Variants in IGF2BP3 observed in about 807,000 individuals in gnomAD.
IGF2BP3 encodes the protein insulin-like growth factor 2 mRNA-binding protein 3.
In IGF2BP3, 9 loss-of-function variants were observed where a neutral mutation model predicts 73.8. The observed-to-expected ratio is 0.12, with a 90% CI of 0.07 to 0.21. IGF2BP3 has a LOEUF of 0.21. Ranked by LOEUF, IGF2BP3 falls within the 10% of genes least tolerant of loss-of-function variation. The pLI, the probability that IGF2BP3 is intolerant of heterozygous loss-of-function variation, is 1.00. For missense variants in IGF2BP3, 542 were observed against 714.0 expected, an observed-to-expected ratio of 0.76 and a Z score of 2.75; for synonymous variants, 258 against 256.7, an observed-to-expected ratio of 1.01 and a Z score of -0.05.
intron 9 of IGF2BP3, among the ~76,000 whole-genome samples, chr7:23,343,172 T>C (rs1362486019): frequency 6.6e-6 from 1 of 152,230 alleles, no homozygotes; most frequent in African/African-American, 2.4e-5. Context: ...AATTCTTGTA[T>C]CTCCAAGGTT....
intron 3 of IGF2BP3, among the ~76,000 whole-genome samples, chr7:23,388,827 A>G (rs920245811): frequency 3.4e-5 from 5 of 148,448 alleles, no homozygotes; most frequent in Admixed American, 6.7e-5. Context: ...ACATCCACAT[A>G]GAGACCTACA....
chr7:23,312,925 C>T (rs1413096242), intron 13 of IGF2BP3, 77 bp from the exon 14 acceptor site: 5 of 836,268 alleles, frequency 6.0e-6, no homozygotes, highest in South Asian at 1.6e-5. Context: ...GTGCGCCAGA[C>T]AGTGAGCTAT....
At chr7:23,410,449 CA>C (rs1786983397) in intron 3 of IGF2BP3, among the ~76,000 whole-genome samples, 1 of 152,090 alleles carries the variant, frequency 6.6e-6, no homozygotes, top group Non-Finnish European at 1.5e-5. Context: ...CAGCATAGCA[CA>C]AAGGACATGG....
chr7:23,364,581 T>G (rs796501768), intron 3 of IGF2BP3, among the ~76,000 whole-genome samples: 6,006 of 79,776 alleles, frequency 0.075, 331 homozygotes, highest in African/African-American at 0.22. Flanking sequence ...AGCGGGAGGT[T>G]GGGGGGTGGG....
chr7:23,417,316 T>C (rs528278308), intron 3 of IGF2BP3, among the ~76,000 whole-genome samples: 1 of 152,358 alleles, frequency 6.6e-6, no homozygotes, highest in African/African-American at 2.4e-5. Flanking sequence ...TAATTAACTT[T>C]ATCTTGCGTG....
In IGF2BP3 at chr7:23,343,843, A is replaced by G; in HGVS notation, c.952T>C (p.Leu318=). Residue 318 remains leucine (L), a synonymous_variant, in exon 9 of 15, where the codon TTG becomes CTG. Coordinates refer to ENST00000258729, the MANE Select transcript of IGF2BP3 (RefSeq NM_006547.3). ...GTGCGTTCTGGATTATACAGCGTCA[A>G]TTCCTGCAATCTGCAGAATGAAAAA... ...TKITISPLQE[L]TLYNPERTIT... The G allele has an allele frequency of 5.0e-6, 8 of 1,611,412 alleles. No individual in the cohort carries two copies. Among genetic ancestry groups the G allele is most frequent in the African/African-American group, 1.3e-5 (1 of 75,038 alleles).
At chr7:23,340,920 G>C (rs942228942) in intron 10 of IGF2BP3, among the ~76,000 whole-genome samples, 2 of 148,820 alleles carry the variant, frequency 1.3e-5, no homozygotes, top group Admixed American at 1.4e-4. Flanking sequence ...CGCAATCTCA[G>C]CTCACTACCA....
At chr7:23,350,319 A>G (rs1784927881) in intron 6 of IGF2BP3, among the ~76,000 whole-genome samples, 2 of 152,202 alleles carry the variant, frequency 1.3e-5, no homozygotes, top group Non-Finnish European at 2.9e-5. Context: ...CTAAATTTAA[A>G]AGGAAAAATA....
At chr7:23,384,671 A>G (rs1351131224) in intron 3 of IGF2BP3, among the ~76,000 whole-genome samples, 1 of 152,132 alleles carries the variant, frequency 6.6e-6, no homozygotes, top group African/African-American at 2.4e-5. Flanking sequence ...CAGGCAGGTT[A>G]CTTGAACCCA....
At chr7:23,366,819 C>T (rs961763973) in intron 3 of IGF2BP3, among the ~76,000 whole-genome samples, 2 of 152,058 alleles carry the variant, frequency 1.3e-5, no homozygotes, top group African/African-American at 4.8e-5. Context: ...GGATTTCCAA[C>T]CCCCAAATGA....
At chr7:23,415,334 G>A (rs1285691614) in intron 3 of IGF2BP3, 3 of 213,668 alleles carry the variant, frequency 1.4e-5, no homozygotes, top group Non-Finnish European at 2.8e-5. Context: ...CGGCTTCACC[G>A]CATCCGCAGG....
In IGF2BP3 at chr7:23,335,617, A is replaced by T. The variant is rs191778976; in HGVS notation, c.1203+6447T>A. 4.6e-5 allele frequency among the ~76,000 whole-genome samples: 7 copies of T among 152,080 alleles called. No homozygotes were observed. In the East Asian group the frequency reaches 9.6e-4, roughly 21 times the overall value. Reference sequence around the variant, plus strand: ...AGTACCTTAAGCCTAAAAAAGTGCTAATCTCTCTTGCCTCTTTCATAAGCA... The same window carrying T: ...AGTACCTTAAGCCTAAAAAAGTGCTTATCTCTCTTGCCTCTTTCATAAGCA... On this transcript the variant is annotated intron_variant, in intron 10 of 14. Coordinates refer to ENST00000258729, the MANE Select transcript of IGF2BP3 (RefSeq NM_006547.3).
intron 2 of IGF2BP3, among the ~76,000 whole-genome samples, chr7:23,458,975 A>G (rs961239123): frequency 2.0e-5 from 3 of 152,326 alleles, no homozygotes; most frequent in East Asian, 1.9e-4. Flanking sequence ...GCAGGTGGCA[A>G]TGGGTTCCCA....
chr7:23,384,286 G>A (rs975014531), intron 3 of IGF2BP3, among the ~76,000 whole-genome samples: 11 of 151,936 alleles, frequency 7.2e-5, no homozygotes, highest in African/African-American at 2.7e-4. Context: ...AGTGGGGTGG[G>A]GTGATAGGGG....
At chr7:23,403,544 T>C (rs1786734708) in intron 3 of IGF2BP3, among the ~76,000 whole-genome samples, 1 of 152,166 alleles carries the variant, frequency 6.6e-6, no homozygotes, top group Non-Finnish European at 1.5e-5. Flanking sequence ...ACTGATGAAA[T>C]TGGTGCTAAA....
chr7:23,366,569 A>C (rs1167866632), intron 3 of IGF2BP3, among the ~76,000 whole-genome samples: 1 of 151,852 alleles, frequency 6.6e-6, no homozygotes, highest in Non-Finnish European at 1.5e-5. Context: ...AAAAAAAAAA[A>C]AAACCACAAG....
intron 2 of IGF2BP3, among the ~76,000 whole-genome samples, chr7:23,448,754 C>T (rs562574476): frequency 1.3e-5 from 2 of 152,274 alleles, no homozygotes; most frequent in Admixed American, 6.5e-5. Context: ...CCTCAGCCTC[C>T]TGAGGAGCTG....
intron 7 of IGF2BP3, 75 bp from the exon 8 acceptor site, chr7:23,346,137 T>A: frequency 6.7e-7 from 1 of 1,495,498 alleles, no homozygotes; most frequent in Non-Finnish European, 9.0e-7. Flanking sequence ...ATTCACTCAT[T>A]AAACATTTAC....
chr7:23,344,767 G>C (rs77719688), intron 8 of IGF2BP3, among the ~76,000 whole-genome samples: 2,777 of 152,228 alleles, frequency 0.018, 83 homozygotes, highest in African/African-American at 0.058. Flanking sequence ...CAGATGAATG[G>C]GAAGTTATTC....
Sources: allele counts gnomAD v4.1 joint callset (sites outside exome capture counted in the v4.1 genomes callset), GRCh38; gene constraint gnomAD v4.1.1; transcripts MANE v1.5; gene names NCBI Gene and HGNC (gene_info 2026-07-23, HGNC 2026-07-21).